LMAN2: variants seen among roughly 807,000 people sequenced by gnomAD.
The protein encoded by LMAN2 is lectin, mannose binding 2, also known as vesicular integral-membrane protein VIP36.
A neutral mutation model predicts 39.3 loss-of-function variants in LMAN2; 22 were observed. The ratio of observed to expected loss-of-function variants is 0.56; its 90% confidence interval spans 0.40 to 0.80. The LOEUF is 0.80. LMAN2 is among the 30% of genes least tolerant of loss of function. The probability of loss-of-function intolerance (pLI) is 0.00; values close to 1 mark genes in which losing one functional copy is unlikely to be tolerated. For missense variants in LMAN2, 494 were observed against 505.4 expected (o/e 0.98, Z 0.22); for synonymous variants, 207 against 207.8 (o/e 1.00, Z 0.03).
chr5:177,350,348 A>C (rs1401645530), intron 2 of LMAN2, among the ~76,000 whole-genome samples: 1 of 152,224 alleles, frequency 6.6e-6, no homozygotes, highest in East Asian at 1.9e-4. Context: ...TCCCGCTCCA[A>C]GCTGTAACCC....
At chr5:177,347,608 G>GA (rs1761654489) in intron 2 of LMAN2, among the ~76,000 whole-genome samples, 1 of 152,084 alleles carries the variant, frequency 6.6e-6, no homozygotes, top group African/African-American at 2.4e-5. Flanking sequence ...TTAATGCCTT[G>GA]GTCCTACACC....
intron 6 of LMAN2, among the ~76,000 whole-genome samples, chr5:177,336,245 C>T (rs567125410): frequency 6.6e-5 from 10 of 152,094 alleles, no homozygotes; most frequent in Non-Finnish European, 1.0e-4. Flanking sequence ...GTGAAACAGC[C>T]GGGGCAGGAG....
At chr5:177,348,462 A>G (rs891972952) in intron 2 of LMAN2, among the ~76,000 whole-genome samples, 3 of 152,078 alleles carry the variant, frequency 2.0e-5, no homozygotes, top group Non-Finnish European at 4.4e-5. Context: ...CGAGGTGGGC[A>G]GATCACTTGA....
Position 177,331,894 on chromosome 5 carries a change from G to A in LMAN2, c.*192C>T. 1 of 605,836 alleles carries A rather than the reference G, an allele frequency of 1.7e-6. No individual in the cohort carries two copies. Among genetic ancestry groups the A allele is most frequent in the African/African-American group, 1.8e-5 (1 of 54,136 alleles). The allele number at this position is 605,836 out of a possible 1,614,324, so 37.5% of individuals were successfully genotyped here. ...GAGCCTCCGTCTCCAGCTGTGGGGG[G>A]TGCCAGACCCTAAGCCTCGGCTCTG... is the stretch of plus-strand genomic sequence containing the variant. On this transcript the variant is annotated 3_prime_UTR_variant, in exon 8 of 8. Coordinates refer to ENST00000303127, the MANE Select transcript of LMAN2 (RefSeq NM_006816.3).
In LMAN2 at chr5:177,332,802, C is replaced by T. The variant is rs900000940; in HGVS notation, c.911-556G>A. On this transcript the variant is annotated intron_variant, in intron 7 of 7. Coordinates refer to ENST00000303127, the MANE Select transcript of LMAN2 (RefSeq NM_006816.3). The surrounding 1 kb of genome is among the most constrained non-coding windows in gnomAD (Gnocchi z 6.3). ...CATCCTGGGATGGGGCCCACTGGTA[C>T]GCTCCCTTGTACAGGCGGAGAGAAG... 2.0e-5 allele frequency among the ~76,000 whole-genome samples: 3 copies of T among 152,170 alleles called. No individual in the cohort carries two copies. The highest frequency in any genetic ancestry group is 6.5e-5 in the Admixed American group (1 of 15,282).
chr5:177,349,535 T>C (rs1287599897), intron 2 of LMAN2, among the ~76,000 whole-genome samples: 1 of 151,820 alleles, frequency 6.6e-6, no homozygotes, highest in Non-Finnish European at 1.5e-5. Context: ...GAAAATTCGA[T>C]GAAGGCAAGT....
chr5:177,333,932 G>A (rs542738100), intron 7 of LMAN2, among the ~76,000 whole-genome samples: 2 of 152,330 alleles, frequency 1.3e-5, no homozygotes, highest in South Asian at 2.1e-4. Flanking sequence ...CACTGCCCCA[G>A]CACCTAGTGA....
At chr5:177,343,346 G>C (rs1221893305) in intron 2 of LMAN2, among the ~76,000 whole-genome samples, 1 of 152,214 alleles carries the variant, frequency 6.6e-6, no homozygotes, top group African/African-American at 2.4e-5. Context: ...TGGTGCAGTT[G>C]CTACAGAAAA....
intron 2 of LMAN2, among the ~76,000 whole-genome samples, chr5:177,340,613 T>C (rs1396499620): frequency 6.6e-6 from 1 of 152,168 alleles, no homozygotes; most frequent in East Asian, 2.0e-4. Context: ...CTACTAAAAA[T>C]ACAAAAATTA....
chr5:177,345,778 T>TTTAC (rs1419090860), intron 2 of LMAN2, among the ~76,000 whole-genome samples: 6 of 151,456 alleles, frequency 4.0e-5, no homozygotes, highest in Non-Finnish European at 8.8e-5. Context: ...TATTTATTTA[T>TTTAC]TTATTTTTTG....
intron 2 of LMAN2, among the ~76,000 whole-genome samples, chr5:177,343,658 C>G (rs932732104): frequency 1.0e-5 from 1 of 96,290 alleles, no homozygotes; most frequent in Admixed American, 9.8e-5. Context: ...GAGGAACGTT[C>G]AACATATGCT....
chr5:177,351,047 C>T (rs1287911056), intron 2 of LMAN2, 126 bp downstream of exon 2: 4 of 808,164 alleles, frequency 4.9e-6, no homozygotes, highest in Non-Finnish European at 8.7e-6. Context: ...GTGGGTGTGA[C>T]CGAGATGAGG....
chr5:177,347,938 G>C (rs1392557452), intron 2 of LMAN2, among the ~76,000 whole-genome samples: 3 of 152,066 alleles, frequency 2.0e-5, no homozygotes, highest in Non-Finnish European at 4.4e-5. Context: ...GGGCAACATA[G>C]TAAGATCCCA....
intron 7 of LMAN2, among the ~76,000 whole-genome samples, chr5:177,333,935 C>T (rs1026029067): frequency 3.3e-5 from 5 of 152,222 alleles, no homozygotes; most frequent in African/African-American, 9.6e-5. Context: ...TGCCCCAGCA[C>T]CTAGTGAGGG....
Position 177,337,484 on chromosome 5 carries a change from G to A in LMAN2, c.554C>T (p.Ser185Phe), listed in dbSNP as rs1217008351. The A allele has an allele frequency of 1.9e-6, 3 of 1,614,020 alleles. No homozygotes were observed. Among genetic ancestry groups the A allele is most frequent in the South Asian group, 1.1e-5 (1 of 91,080 alleles). The change falls in exon 5 of 8, where the codon TCC becomes TTC. Residue 185 changes from serine to phenylalanine, a missense_variant. By Grantham distance (155) the Ser-to-Phe change is radical. Transcript: ENST00000303127. The surrounding 1 kb of genome is among the most constrained non-coding windows in gnomAD (Gnocchi z 8.2). ...PYISVMVNNG[S>F]LSYDHSKDGR... ...ATCCTTGCTGTGGTCGTAGGACAGG[G>A]AGCCATTGTTCACCATCACCGAGAT...
In LMAN2 at chr5:177,351,659, C is replaced by G; in HGVS notation, c.-12G>C. Reference sequence around the variant, plus strand: ...CCTTCCGCCGCCATTCTCCTCTCCTCTCGGCCACTTCCGCCCTAGAACTTC... The same window carrying G: ...CCTTCCGCCGCCATTCTCCTCTCCTGTCGGCCACTTCCGCCCTAGAACTTC... On this transcript the variant is annotated 5_prime_UTR_variant, in exon 1 of 8. Transcript: ENST00000303127. The G allele has an allele frequency of 6.4e-7, 1 of 1,568,966 alleles. No homozygotes were observed. The highest frequency in any genetic ancestry group is 1.2e-5 in the South Asian group (1 of 85,144).
At chr5:177,342,461 G>A (rs1761567913) in intron 2 of LMAN2, among the ~76,000 whole-genome samples, 1 of 152,144 alleles carries the variant, frequency 6.6e-6, no homozygotes, top group African/African-American at 2.4e-5. Flanking sequence ...GAGGCAGGTG[G>A]ATCACCAGAG....
chr5:177,333,277 ACCCAGCCCATGG>A (rs1761417964), intron 7 of LMAN2, among the ~76,000 whole-genome samples: 1 of 152,088 alleles, frequency 6.6e-6, no homozygotes, highest in Non-Finnish European at 1.5e-5. Context: ...TGTCTCCAGC[ACCCAGCCCATGG>A]CTAGGCACAG....
At position 177,350,706 on chromosome 5, in the gene LMAN2, TC is replaced by T. The variant is rs1299015085; in HGVS notation, c.315+466del. ...TATCTTTGTATAGTCATGAAAGCCA[TC>T]TATTTCAAACAGCTTGTTTGAAAAT... On this transcript the variant is annotated intron_variant, in intron 2 of 7. Transcript: ENST00000303127. Among the ~76,000 whole-genome samples the T allele has an allele frequency of 2.6e-5, 4 of 152,334 alleles. No individual in the cohort carries two copies. In the South Asian group the frequency reaches 8.3e-4, roughly 32 times the overall value.
Sources: allele counts gnomAD v4.1 joint callset (sites outside exome capture counted in the v4.1 genomes callset), GRCh38; gene constraint gnomAD v4.1.1; non-coding constraint Gnocchi (gnomAD v3.1); transcripts MANE v1.5; gene names NCBI Gene and HGNC (gene_info 2026-07-23, HGNC 2026-07-21).